The following REDIC1 variants were observed in gnomAD, a reference collection of about 807,000 sequenced individuals.
REDIC1 encodes the protein regulator of DNA class I crossover intermediates 1, also known as HEI10 Interacting Protein 1.
chr12:39,830,166 G>A, the REDIC1 span: 2 of 1,613,718 alleles, frequency 1.2e-6, no homozygotes, highest in South Asian at 1.1e-5. Flanking sequence ...GTCAATGACA[G>A]TTGATTTGTT....
At chr12:39,683,929 A>G in the REDIC1 span, among the ~76,000 whole-genome samples, 1 of 152,146 alleles carries the variant, frequency 6.6e-6, no homozygotes, top group East Asian at 1.9e-4. Context: ...TAGAATTCAG[A>G]TGTTAGTGGC....
the REDIC1 span, among the ~76,000 whole-genome samples, chr12:39,792,896 C>T: frequency 2.0e-5 from 3 of 151,864 alleles, no homozygotes; most frequent in African/African-American, 7.3e-5. Context: ...CAATGTGGGG[C>T]TTCTCTTTCT....
the REDIC1 span, among the ~76,000 whole-genome samples, chr12:39,847,437 A>G: frequency 1.3e-5 from 2 of 152,246 alleles, no homozygotes; most frequent in East Asian, 1.9e-4. Flanking sequence ...ATTCTGTCCA[A>G]TGAGAAGTAT....
the REDIC1 span, among the ~76,000 whole-genome samples, chr12:39,895,516 A>G: frequency 0.2 from 221 of 1,088 alleles, 22 homozygotes; most frequent in East Asian, 0.56. Flanking sequence ...AAAAAAAATT[A>G]TATATATATA....
At chr12:39,675,578 G>T in the REDIC1 span, among the ~76,000 whole-genome samples, 1 of 152,192 alleles carries the variant, frequency 6.6e-6, no homozygotes, top group Non-Finnish European at 1.5e-5. Context: ...TCTACCACGT[G>T]CAACATCCTG....
chr12:39,838,401 T>G, the REDIC1 span, among the ~76,000 whole-genome samples: 80 of 131,948 alleles, frequency 6.1e-4, no homozygotes, highest in African/African-American at 1.3e-3. Flanking sequence ...AGATGACGAG[T>G]TAGTGGGTGC....
chr12:39,633,455 C>T, the REDIC1 span, among the ~76,000 whole-genome samples: 1 of 151,980 alleles, frequency 6.6e-6, no homozygotes, highest in Non-Finnish European at 1.5e-5. Flanking sequence ...GAAGGGCCTG[C>T]CTGAGGCTGT....
At chr12:39,654,164 A>G in the REDIC1 span, among the ~76,000 whole-genome samples, 4 of 152,114 alleles carry the variant, frequency 2.6e-5, no homozygotes, top group Non-Finnish European at 4.4e-5. Flanking sequence ...GAGAGTTTTT[A>G]TCATGAATTT....
At chr12:39,782,522 G>T in the REDIC1 span, among the ~76,000 whole-genome samples, 1 of 152,124 alleles carries the variant, frequency 6.6e-6, no homozygotes, top group Non-Finnish European at 1.5e-5. Context: ...GGAACTGTAA[G>T]TCCAATTAAA....
the REDIC1 span, among the ~76,000 whole-genome samples, chr12:39,899,614 T>A: frequency 6.6e-6 from 1 of 151,962 alleles, no homozygotes; most frequent in Non-Finnish European, 1.5e-5. Flanking sequence ...TCTTGTGGGC[T>A]TTTAGTGCTA....
the REDIC1 span, among the ~76,000 whole-genome samples, chr12:39,698,196 C>A: frequency 6.6e-6 from 1 of 152,094 alleles, no homozygotes; most frequent in African/African-American, 2.4e-5. Context: ...GAAACTTAAT[C>A]CCTAATGCAA....
At chr12:39,694,735 G>A in the REDIC1 span, among the ~76,000 whole-genome samples, 2 of 100,702 alleles carry the variant, frequency 2.0e-5, no homozygotes, top group Non-Finnish European at 4.7e-5. Flanking sequence ...GTGGACTGGG[G>A]GTGGCACGTG....
At chr12:39,629,974 C>A in the REDIC1 span, among the ~76,000 whole-genome samples, 5 of 151,730 alleles carry the variant, frequency 3.3e-5, no homozygotes, top group African/African-American at 1.2e-4. Context: ...TATTGTCAGT[C>A]CCACCAGTTA....
the REDIC1 span, among the ~76,000 whole-genome samples, chr12:39,688,047 G>T: frequency 6.6e-6 from 1 of 152,086 alleles, no homozygotes; most frequent in Non-Finnish European, 1.5e-5. Context: ...TACATATTAT[G>T]AATTCATATA....
At chr12:39,817,777 A>G in the REDIC1 span, among the ~76,000 whole-genome samples, 1 of 152,124 alleles carries the variant, frequency 6.6e-6, no homozygotes, top group Non-Finnish European at 1.5e-5. Flanking sequence ...AAAGCTATAA[A>G]CCTTATCAGG....
chr12:39,794,890 G>A, the REDIC1 span, among the ~76,000 whole-genome samples: 1 of 152,162 alleles, frequency 6.6e-6, no homozygotes, highest in Non-Finnish European at 1.5e-5. Flanking sequence ...GAAGAAATGA[G>A]CTGTCAGTCT....
the REDIC1 span, among the ~76,000 whole-genome samples, chr12:39,712,505 G>A: frequency 1.4e-5 from 2 of 140,304 alleles, no homozygotes; most frequent in African/African-American, 5.2e-5. Flanking sequence ...ACGTATATAC[G>A]TATGTACGTA....
At chr12:39,704,558 C>A in the REDIC1 span, among the ~76,000 whole-genome samples, 2 of 152,036 alleles carry the variant, frequency 1.3e-5, no homozygotes, top group Non-Finnish European at 2.9e-5. Flanking sequence ...TTGACCCAGC[C>A]ATCCCATTAC....
the REDIC1 span, among the ~76,000 whole-genome samples, chr12:39,717,766 G>T: frequency 6.6e-6 from 1 of 152,096 alleles, no homozygotes; most frequent in Non-Finnish European, 1.5e-5. Context: ...ATCAAAAGAG[G>T]TCTTGAGTAA....
Sources: allele counts gnomAD v4.1 joint callset (sites outside exome capture counted in the v4.1 genomes callset), GRCh38; gene constraint gnomAD v4.1.1; transcripts MANE v1.5; gene names NCBI Gene and HGNC (gene_info 2026-07-23, HGNC 2026-07-21).